The following SLX4 variants were observed in gnomAD, a reference collection of about 807,000 sequenced individuals.
SLX4 encodes the protein structure-specific endonuclease subunit SLX4.
SLX4 carries 112 observed loss-of-function variants against 146.2 expected under a neutral mutation model. The observed-to-expected ratio is 0.77, with a 90% CI of 0.66 to 0.90. SLX4 has a LOEUF of 0.90. Among genes scored for constraint, SLX4 ranks in the 40% least tolerant of loss-of-function variants. SLX4 has a pLI of 0.00. For synonymous variants in SLX4, 1,061 were observed against 997.7 expected, an observed-to-expected ratio of 1.06 and a Z score of -1.20; for missense variants, 2,563 against 2,392.7, an observed-to-expected ratio of 1.07 and a Z score of -1.49.
chr16:3,602,698 C>CG (rs2040741095), intron 3 of SLX4, among the ~76,000 whole-genome samples: 1 of 152,194 alleles, frequency 6.6e-6, no homozygotes, highest in South Asian at 2.1e-4. Flanking sequence ...TTGGCTACCT[C>CG]GGGCATTGCA....
At chr16:3,584,694 C>T in intron 13 of SLX4, 75 bp downstream of exon 13, 1 of 1,191,330 alleles carries the variant, frequency 8.4e-7, no homozygotes, top group South Asian at 1.2e-5. Context: ...CCCTTCCGCC[C>T]CCAGGTGTGT....
chr16:3,609,130 G>A lies in SLX4; in HGVS notation c.-166C>T, dbSNP rs370235531. The A allele has an allele frequency of 7.8e-5, 62 of 792,872 alleles. No homozygotes were observed. The highest frequency in any genetic ancestry group is 2.8e-4 in the South Asian group (17 of 60,092). The allele number at this position is 792,872 out of a possible 1,614,324, so 49.1% of individuals were successfully genotyped here. Reference sequence around the variant, plus strand: ...GTTAAAGTCCACAACTGGGCCGGGCGCGGTGGCTCACACTTGTAATCCCAG... The same window carrying A: ...GTTAAAGTCCACAACTGGGCCGGGCACGGTGGCTCACACTTGTAATCCCAG... On this transcript the variant is annotated 5_prime_UTR_variant, in exon 2 of 15. Transcript: ENST00000294008.
intron 5 of SLX4, chr16:3,600,761 A>G: frequency 3.9e-6 from 2 of 507,558 alleles, no homozygotes; most frequent in Non-Finnish European, 7.1e-6. Flanking sequence ...CCACCATGCT[A>G]ATTTTTGTAT....
Position 3,589,507 on chromosome 16 carries a change from C to T in SLX4, c.4131G>A (p.Ser1377=), listed in dbSNP as rs757513165. Residue 1377 remains serine, a synonymous_variant, in exon 12 of 15, where the codon TCG becomes TCA. Coordinates refer to ENST00000294008, the MANE Select transcript of SLX4 (RefSeq NM_032444.4). This position sits in a 1 kb window ranked among gnomAD's most constrained non-coding sequence, Gnocchi z 6.2. The stretch of plus-strand genomic sequence containing the variant: ...GGTTCAGGAAGCTTGGCCCAGGCGG[C>T]GAGTGTTTCAGGAACCGCCTGCTGA... ...AHFSRRFLKH[S]PPGPSFLNQT... is the part of the protein sequence containing the mutation. The T allele has an allele frequency of 2.4e-5, 38 of 1,609,474 alleles. No individual in the cohort carries two copies. Among genetic ancestry groups the T allele is most frequent in the Non-Finnish European group, 3.0e-5 (35 of 1,176,984 alleles).
In SLX4 at chr16:3,602,271, G is replaced by C. The variant is rs1437425005; in HGVS notation, c.797C>G (p.Ala266Gly). 6.2e-7 allele frequency: 1 copy of C among 1,614,152 alleles called. No individual in the cohort carries two copies. The change falls in exon 4 of 15, where the codon GCT becomes GGT. Residue 266 changes from alanine to glycine, a missense_variant. Ala to Gly is a moderately conservative substitution (Grantham distance 60). Transcript: ENST00000294008. The stretch of plus-strand genomic sequence containing the variant: ...CTGCTGCAGGGTCAAGGCCACCGCA[G>C]CGTCGCTCTCTGGGGCAGGGGGCCC... ...GLGPPAPESD[A>G]AVALTLQQEF...
intron 3 of SLX4, among the ~76,000 whole-genome samples, chr16:3,603,898 A>T (rs1477082551): frequency 2.0e-5 from 3 of 152,194 alleles, no homozygotes; most frequent in Non-Finnish European, 4.4e-5. Context: ...AGAAAGTGGG[A>T]AATCTTATAA....
intron 1 of SLX4, among the ~76,000 whole-genome samples, chr16:3,609,872 G>C (rs1047560244): frequency 6.6e-6 from 1 of 152,234 alleles, no homozygotes; most frequent in Non-Finnish European, 1.5e-5. Flanking sequence ...ACAGAAACAG[G>C]ATGATCCCCA....
At chr16:3,594,746 G>A (rs935980240) in intron 9 of SLX4, 147 bp from the exon 10 acceptor site, 12 of 1,052,064 alleles carry the variant, frequency 1.1e-5, no homozygotes, top group African/African-American at 1.6e-5. Context: ...CGCTTCCCAC[G>A]ATGGCCTCAA....
In SLX4 at chr16:3,601,003, C is replaced by A; in HGVS notation, c.1139G>T (p.Gly380Val). The change falls in exon 5 of 15, where the codon GGT becomes GTT. Residue 380 changes from glycine (G) to valine (V), a missense_variant. Coordinates refer to ENST00000294008, the MANE Select transcript of SLX4 (RefSeq NM_032444.4). ...AVRLQTAQPE[G>V]SSSPPMFSFS... ...CCTGAACATGGGTGGGCTGCTGCTACCCTCAGGCTGTGCTGTCTGCAGCCG... is the reference window on the plus strand; with the variant it reads ...CCTGAACATGGGTGGGCTGCTGCTAACCTCAGGCTGTGCTGTCTGCAGCCG... 1 of 1,613,782 alleles carries A rather than the reference C, an allele frequency of 6.2e-7. No individual in the cohort carries two copies. Among genetic ancestry groups the A allele is most frequent in the Non-Finnish European group, 8.5e-7 (1 of 1,180,036 alleles).
rs1415389427 is a variant in SLX4, at chr16:3,589,134, T to G, written c.4504A>C (p.Arg1502=). ...AGAGCCGAATTCAGAAAGCTCGGCC[T>G]GCTATTCCCCAGGGAGCCCGCGCCC... The part of the protein sequence containing the change: ...SSGAGSLGNS[R]PSFLNSALWD... The change falls in exon 12 of 15, where the codon AGG becomes CGG. Residue 1502 remains arginine (R), a synonymous_variant. Transcript: ENST00000294008. This position sits in a 1 kb window ranked among gnomAD's most constrained non-coding sequence, Gnocchi z 6.2. 1.9e-6 allele frequency: 3 copies of G among 1,614,004 alleles called. No individual in the cohort carries two copies. Among genetic ancestry groups the G allele is most frequent in the East Asian group, 4.5e-5 (2 of 44,888 alleles).
Position 3,609,014 on chromosome 16 carries a change from T to C in SLX4, c.-50A>G. Reference sequence around the variant, plus strand: ...TAGATACTTGGAGAGTTTGCACAATTGAACAAAAAGTACTGTTTTCCTCTC... The same window carrying C: ...TAGATACTTGGAGAGTTTGCACAATCGAACAAAAAGTACTGTTTTCCTCTC... On this transcript the variant is annotated 5_prime_UTR_variant, in exon 2 of 15. Transcript: ENST00000294008. 1 of 1,590,630 alleles carries C rather than the reference T, an allele frequency of 6.3e-7. No individual in the cohort carries two copies. Among genetic ancestry groups the C allele is most frequent in the Non-Finnish European group, 8.5e-7 (1 of 1,170,474 alleles).
chr16:3,604,835 T>G (rs577581704), intron 3 of SLX4, among the ~76,000 whole-genome samples: 2 of 139,024 alleles, frequency 1.4e-5, no homozygotes, highest in African/African-American at 2.7e-5. Context: ...AAAAAAAAAA[T>G]GTATATTTAT....
chr16:3,596,522 G>A (rs1005159505), intron 7 of SLX4, 129 bp from the exon 8 acceptor site: 6 of 1,180,854 alleles, frequency 5.1e-6, no homozygotes, highest in Non-Finnish European at 7.0e-6. Context: ...TGTGGGGACA[G>A]ACTGTCCCCG....
chr16:3,582,755 G>A, intron 14 of SLX4, 62 bp from the exon 15 acceptor site: 1 of 1,459,690 alleles, frequency 6.9e-7, no homozygotes, highest in Non-Finnish European at 9.4e-7. Context: ...GAGACCATGA[G>A]CCTCTTTAAA....
Position 3,590,293 on chromosome 16 carries a change from C to T in SLX4, c.3345G>A (p.Leu1115=), listed in dbSNP as rs374238222. ...TAGACGGAGATTTTTCTGGGAACATCAGGACCCCCTTATTTCTGCACTCCA... is the reference window on the plus strand; with the variant it reads ...TAGACGGAGATTTTTCTGGGAACATTAGGACCCCCTTATTTCTGCACTCCA... ...SVLECRNKGV[L]MFPEKSPSID... The change falls in exon 12 of 15, where the codon CTG becomes CTA. Residue 1115 remains leucine, a synonymous_variant. Coordinates refer to ENST00000294008, the MANE Select transcript of SLX4 (RefSeq NM_032444.4). This position sits in a 1 kb window ranked among gnomAD's most constrained non-coding sequence, Gnocchi z 4.8. The T allele has an allele frequency of 6.2e-7, 1 of 1,614,036 alleles. No homozygotes were observed. The highest frequency in any genetic ancestry group is 8.5e-7 in the Non-Finnish European group (1 of 1,179,988).
Position 3,602,195 on chromosome 16 carries a change from C to G in SLX4, c.873G>C (p.Lys291Asn), listed in dbSNP as rs751904877. 6.2e-7 allele frequency: 1 copy of G among 1,614,188 alleles called. No homozygotes were observed. The highest frequency in any genetic ancestry group is 8.5e-7 in the Non-Finnish European group (1 of 1,180,028). ...GACAAATCTGGCAGAAGAACAAACCCTTTTCCTCCAGGCTATCATCATGTG... is the reference window on the plus strand; with the variant it reads ...GACAAATCTGGCAGAAGAACAAACCGTTTTCCTCCAGGCTATCATCATGTG... ...ASAHDDSLEE[K>N]GLFFCQICQK... The change falls in exon 4 of 15, where the codon AAG becomes AAC. Residue 291 changes from lysine to asparagine, a missense_variant. Physicochemically the swap from Lys to Asn is moderately conservative, Grantham distance 94. Transcript: ENST00000294008.
chr16:3,596,465 A>G (rs1316005985), intron 7 of SLX4, 72 bp from the exon 8 acceptor site: 2 of 1,495,874 alleles, frequency 1.3e-6, no homozygotes, highest in Non-Finnish European at 1.8e-6. Context: ...AAGCCATCAC[A>G]TGTGGTATGC....
rs2151129785 is a variant in SLX4 at position 3,596,142 on chromosome 16, C to A, written c.1924+11G>T. 15 of 1,548,350 alleles carry A rather than the reference C, an allele frequency of 9.7e-6. No homozygotes were observed. The highest frequency in any genetic ancestry group is 1.2e-5 in the South Asian group (1 of 84,110). On this transcript the variant is annotated intron_variant, in intron 8 of 14. Coordinates refer to ENST00000294008, the MANE Select transcript of SLX4 (RefSeq NM_032444.4). ...GCAGGGCTGGCCCTAGAGTCCCACC[C>A]AGCATCTCACCTGCAGTCCCTTCCG...
rs1391285556 is a variant in SLX4, at chr16:3,590,844, G to A, written c.2794C>T (p.Gln932Ter). 6.2e-7 allele frequency: 1 copy of A among 1,614,118 alleles called. No homozygotes were observed. Among genetic ancestry groups the A allele is most frequent in the East Asian group, 2.2e-5 (1 of 44,880 alleles). Residue 932 changes from glutamine to a stop codon, truncating the protein, a stop_gained, in exon 12 of 15, where the codon CAG becomes TAG. Coordinates refer to ENST00000294008, the MANE Select transcript of SLX4 (RefSeq NM_032444.4). LOFTEE classifies it high-confidence loss of function. The surrounding 1 kb of genome is among the most constrained non-coding windows in gnomAD (Gnocchi z 4.8). The part of the protein sequence containing the change: ...KMGQCALPPP[Q>*]GQHSGARGAE... Reference sequence around the variant, plus strand: ...CCCCGTGCCCCTGAGTGCTGGCCCTGGGGTGGCGGGAGAGCGCACTGTCCC... The same window carrying A: ...CCCCGTGCCCCTGAGTGCTGGCCCTAGGGTGGCGGGAGAGCGCACTGTCCC...
Sources: gnomAD v4.1 joint callset for allele counts (sites outside exome capture counted in the v4.1 genomes callset) on GRCh38, gnomAD v4.1.1 for gene constraint, Gnocchi (gnomAD v3.1) non-coding constraint, MANE v1.5 for transcripts, NCBI Gene and HGNC (gene_info 2026-07-23, HGNC 2026-07-21) for gene names.